VAV2: variants seen among roughly 807,000 people sequenced by gnomAD.
VAV2 encodes the protein guanine nucleotide exchange factor VAV2.
Under a neutral mutation model 132.5 loss-of-function variants are expected in VAV2, and 67 were observed. That is an observed-to-expected ratio of 0.51 (90% CI 0.42 to 0.62). The LOEUF is 0.62. Ranked by LOEUF, VAV2 falls within the 20% of genes least tolerant of loss-of-function variation. VAV2 has a pLI of 0.00. For missense variants in VAV2, 938 were observed against 1,153.6 expected (o/e 0.81, Z 2.71); for synonymous variants, 492 against 443.5 (o/e 1.11, Z -1.37).
intron 1 of VAV2, among the ~76,000 whole-genome samples, chr9:133,975,296 C>A (rs1236391606): frequency 6.6e-6 from 1 of 152,146 alleles, no homozygotes; most frequent in African/African-American, 2.4e-5. Flanking sequence ...GTGGGCCAAG[C>A]CTGTCACCCA....
rs965388283 is a variant in VAV2, at chr9:133,919,475, G to C, written c.321+19628C>G. On this transcript the variant is annotated intron_variant, in intron 2 of 29. Coordinates refer to ENST00000371850, the MANE Select transcript of VAV2 (RefSeq NM_001134398.2). This position sits in a 1 kb window ranked among gnomAD's most constrained non-coding sequence, Gnocchi z 5.8. Reference sequence around the variant, plus strand: ...GGGTTCCAGGAGCCCAGGTGTCCCGGCTCCCAGCCCAGGGACTCACTGTCC... The same window carrying C: ...GGGTTCCAGGAGCCCAGGTGTCCCGCCTCCCAGCCCAGGGACTCACTGTCC... 6.6e-6 allele frequency among the ~76,000 whole-genome samples: 1 copy of C among 152,150 alleles called. No homozygotes were observed. The highest frequency in any genetic ancestry group is 1.5e-5 in the Non-Finnish European group (1 of 68,014).
At chr9:133,808,963 C>CCTCCGG in intron 7 of VAV2, 77 bp downstream of exon 7, 1 of 1,352,614 alleles carries the variant, frequency 7.4e-7, no homozygotes, top group Non-Finnish European at 1.0e-6. Context: ...CTCCGGAATG[C>CCTCCGG]ACTCCCAGGA....
intron 2 of VAV2, among the ~76,000 whole-genome samples, chr9:133,868,956 G>A (rs1419675042): frequency 3.3e-5 from 5 of 151,934 alleles, no homozygotes; most frequent in Non-Finnish European, 5.9e-5. Flanking sequence ...TGAGGAGTTC[G>A]AGACCAGCCT....
chr9:133,917,609 C>T (rs888598144), intron 2 of VAV2, among the ~76,000 whole-genome samples: 3 of 152,190 alleles, frequency 2.0e-5, no homozygotes, highest in South Asian at 2.1e-4. Context: ...TTGCCTACCC[C>T]CTCTGGGCCT....
intron 3 of VAV2, among the ~76,000 whole-genome samples, chr9:133,838,869 G>C (rs1836593981): frequency 7.5e-6 from 1 of 132,928 alleles, no homozygotes; most frequent in Non-Finnish European, 1.6e-5. Flanking sequence ...GTGGGTGGGT[G>C]GATGGATAGA....
chr9:133,845,297 C>T (rs1475636846), intron 3 of VAV2, among the ~76,000 whole-genome samples: 1 of 152,260 alleles, frequency 6.6e-6, no homozygotes, highest in Non-Finnish European at 1.5e-5. Context: ...CCAGGAGGAA[C>T]AGCCCGCATG....
rs544132132 is a variant in VAV2 at position 133,851,946 on chromosome 9, T to C, written c.380+9428A>G. On this transcript the variant is annotated intron_variant, in intron 3 of 29. Coordinates refer to ENST00000371850, the MANE Select transcript of VAV2 (RefSeq NM_001134398.2). ...ATGGATGGATGGATGGATGGATGGA[T>C]GGATACATGGATGTATGGATGGAAG... Among the ~76,000 whole-genome samples the C allele has an allele frequency of 3.1e-3, 469 of 150,946 alleles. 1 individual carries two copies. The highest frequency in any genetic ancestry group is 0.011 in the African/African-American group (447 of 40,770).
chr9:133,770,254 G>A (rs1833571829), intron 27 of VAV2, 124 bp downstream of exon 27: 2 of 1,457,042 alleles, frequency 1.4e-6, no homozygotes, highest in Non-Finnish European at 1.8e-6. Context: ...GAGGGGCGGG[G>A]GCTGTGTTCC....
intron 2 of VAV2, among the ~76,000 whole-genome samples, chr9:133,867,689 T>A (rs1183732899): frequency 6.6e-6 from 1 of 152,230 alleles, no homozygotes; most frequent in Non-Finnish European, 1.5e-5. Context: ...ACCTGAGATG[T>A]CCCACCCAGC....
At position 133,763,873 on chromosome 9, in the gene VAV2, G is replaced by A. The variant is rs749906028; in HGVS notation, c.*189C>T. ...TGTACAATAGCATACCCAGTGATGG[G>A]TCGCCGAGGGCAGGCTGACAGTGAA... is the stretch of plus-strand genomic sequence containing the variant. On this transcript the variant is annotated 3_prime_UTR_variant, in exon 30 of 30. Transcript: ENST00000371850. The surrounding 1 kb of genome is among the most constrained non-coding windows in gnomAD (Gnocchi z 6.8). The A allele has an allele frequency of 4.4e-6, 3 of 677,042 alleles. No homozygotes were observed. Among genetic ancestry groups the A allele is most frequent in the Admixed American group, 5.0e-5 (2 of 40,028 alleles). 41.9% of individuals were successfully genotyped at this position (677,042 alleles called of 1,614,324 possible).
Position 133,798,219 on chromosome 9 carries a change from C to T in VAV2, c.837-410G>A, listed in dbSNP as rs991061564. 3.9e-5 allele frequency among the ~76,000 whole-genome samples: 6 copies of T among 152,226 alleles called. No individual in the cohort carries two copies. The East Asian group carries it at 7.7e-4, about 20-fold the overall frequency. On this transcript the variant is annotated intron_variant, in intron 9 of 29. Coordinates refer to ENST00000371850, the MANE Select transcript of VAV2 (RefSeq NM_001134398.2). ...AATCTTGCCCCCAGGCCCTGAGCAC[C>T]GAGGCCTGCACTGGCTCAGGGCTCA...
At chr9:133,764,230 CCA>C (rs1159489244) in intron 29 of VAV2, 121 bp from the exon 30 acceptor site, 10 of 1,276,014 alleles carry the variant, frequency 7.8e-6, no homozygotes, top group Non-Finnish European at 1.1e-5. Context: ...CTTCGGAAGT[CCA>C]GAGTTCTCAG....
intron 2 of VAV2, among the ~76,000 whole-genome samples, chr9:133,938,015 G>A (rs573987080): frequency 2.0e-5 from 3 of 152,328 alleles, no homozygotes; most frequent in Admixed American, 1.3e-4. Flanking sequence ...ACCTGAGGCC[G>A]TGCAGCACTT....
At chr9:133,808,026 G>A (rs1027624744) in intron 7 of VAV2, among the ~76,000 whole-genome samples, 7 of 152,210 alleles carry the variant, frequency 4.6e-5, no homozygotes, top group East Asian at 1.9e-4. Context: ...AGAGAGCATC[G>A]CCCAAGCAAA....
In VAV2 at chr9:133,834,880, A is replaced by T. The variant is rs910678206; in HGVS notation, c.381-540T>A. On this transcript the variant is annotated intron_variant, in intron 3 of 29. Transcript: ENST00000371850. This position sits in a 1 kb window ranked among gnomAD's most constrained non-coding sequence, Gnocchi z 5.9. The stretch of plus-strand genomic sequence containing the variant: ...GCCACTGGCTTGAGGTCAGGAAGAG[A>T]GTCCCGAAAATGAAAAGCCCTCGGA... Among the ~76,000 whole-genome samples the T allele has an allele frequency of 2.6e-5, 4 of 152,066 alleles. No individual in the cohort carries two copies. Among genetic ancestry groups the T allele is most frequent in the African/African-American group, 7.2e-5 (3 of 41,398 alleles).
chr9:133,806,021 T>C (rs1439283026), intron 9 of VAV2, 60 bp downstream of exon 9: 2 of 1,543,562 alleles, frequency 1.3e-6, no homozygotes, highest in East Asian at 2.4e-5. Context: ...GTTCCACTTG[T>C]GTAAACTCTC....
rs60265901 is a variant in VAV2 at position 133,940,672 on chromosome 9, CGTGTGTGTGTGTGTGTGTGTGT to C, written c.205-1475_205-1454del. ...CCTAGAGTCCCTCTCTGTCCACGTG[CGTGTGTGTGTGTGTGTGTGTGT>C]GTGTGTGTGTGTGTTTCTGAACACT... On this transcript the variant is annotated intron_variant, in intron 1 of 29. Coordinates refer to ENST00000371850, the MANE Select transcript of VAV2 (RefSeq NM_001134398.2). Among the ~76,000 whole-genome samples the C allele has an allele frequency of 6.5e-5, 9 of 139,358 alleles. No homozygotes were observed. The East Asian group carries it at 1.5e-3, about 24-fold the overall frequency. 91.4% of individuals were successfully genotyped at this position (139,358 alleles called of 152,430 possible).
chr9:133,827,629 CTGAGTGG>C (rs1450112329), intron 4 of VAV2, among the ~76,000 whole-genome samples: 767 of 26,438 alleles, frequency 0.029, 291 homozygotes, highest in East Asian at 0.21. Flanking sequence ...AGGCTGACCA[CTGAGTGG>C]GGGCATCACC....
chr9:133,856,874 G>A (rs1184460453), intron 3 of VAV2, among the ~76,000 whole-genome samples: 3 of 152,222 alleles, frequency 2.0e-5, no homozygotes, highest in Non-Finnish European at 2.9e-5. Context: ...TTACATCTGC[G>A]AAAACCCTTT....
Sources: allele counts gnomAD v4.1 joint callset (sites outside exome capture counted in the v4.1 genomes callset), GRCh38; gene constraint gnomAD v4.1.1; non-coding constraint Gnocchi (gnomAD v3.1); transcripts MANE v1.5; gene names NCBI Gene and HGNC (gene_info 2026-07-23, HGNC 2026-07-21).